Variants in SERPINI1 observed in about 807,000 individuals in gnomAD.
The protein encoded by SERPINI1 is serpin family I member 1.
A neutral mutation model predicts 41.1 loss-of-function variants in SERPINI1; 19 were observed. The ratio of observed to expected loss-of-function variants is 0.46; its 90% CI spans 0.32 to 0.68. SERPINI1 has a LOEUF of 0.68. SERPINI1 is among the 30% of genes least tolerant of loss of function. The pLI is 0.03. For synonymous variants in SERPINI1, 138 were observed against 156.6 expected (o/e 0.88, Z 0.89); for missense variants, 460 against 479.2 (o/e 0.96, Z 0.37).
chr3:167,806,159 C>A (rs994246769), intron 5 of SERPINI1, among the ~76,000 whole-genome samples: 1 of 152,124 alleles, frequency 6.6e-6, no homozygotes, highest in Admixed American at 6.6e-5. Flanking sequence ...AGGATGAGTT[C>A]ATTTCCTTTG....
chr3:167,814,097 C>T (rs1711986181), intron 6 of SERPINI1, among the ~76,000 whole-genome samples: 1 of 152,204 alleles, frequency 6.6e-6, no homozygotes, highest in Non-Finnish European at 1.5e-5. Flanking sequence ...TCTTCGCTGC[C>T]CCAGTCACTA....
intron 1 of SERPINI1, chr3:167,736,090 CCTG>C (rs1725415836): frequency 6.6e-6 from 1 of 152,124 alleles, no homozygotes; most frequent in African/African-American, 2.4e-5. Flanking sequence ...TGAGAAAAAT[CCTG>C]CTAATTGAGG....
At chr3:167,768,627 G>A (rs1203778885) in intron 1 of SERPINI1, among the ~76,000 whole-genome samples, 1 of 152,160 alleles carries the variant, frequency 6.6e-6, no homozygotes, top group East Asian at 1.9e-4. Context: ...GTTCTTCTGT[G>A]TATCTGAGTT....
chr3:167,779,647 C>T (rs1262016824), intron 1 of SERPINI1, among the ~76,000 whole-genome samples: 1 of 152,138 alleles, frequency 6.6e-6, no homozygotes, highest in East Asian at 1.9e-4. Flanking sequence ...CATCTTGGCC[C>T]ATTCCCAAAT....
At chr3:167,789,491 A>C in intron 2 of SERPINI1, 113 bp downstream of exon 2, 202 of 1,259,462 alleles carry the variant, frequency 1.6e-4, no homozygotes, top group Non-Finnish European at 2.2e-4. Flanking sequence ...AAACAATCTC[A>C]TTGAAATGGT....
At chr3:167,806,466 A>G (rs1417103108) in intron 5 of SERPINI1, among the ~76,000 whole-genome samples, 1 of 152,186 alleles carries the variant, frequency 6.6e-6, no homozygotes, top group East Asian at 1.9e-4. Context: ...TATGTTTTGT[A>G]CATGTATCTC....
intron 1 of SERPINI1, among the ~76,000 whole-genome samples, chr3:167,763,813 C>G (rs1387072158): frequency 6.6e-6 from 1 of 152,114 alleles, no homozygotes; most frequent in African/African-American, 2.4e-5. Flanking sequence ...AATCACCAGA[C>G]CACACACTCA....
At chr3:167,787,198 G>C (rs1461504763) in intron 1 of SERPINI1, among the ~76,000 whole-genome samples, 3 of 152,062 alleles carry the variant, frequency 2.0e-5, no homozygotes, top group Non-Finnish European at 4.4e-5. Context: ...TAACACCCAT[G>C]GAGCTGTCAT....
At chr3:167,746,623 A>C (rs909302024) in intron 1 of SERPINI1, among the ~76,000 whole-genome samples, 1 of 152,230 alleles carries the variant, frequency 6.6e-6, no homozygotes, top group Non-Finnish European at 1.5e-5. Context: ...TCCAAACAAG[A>C]TGTAAAAATC....
At chr3:167,773,902 T>C (rs1403413045) in intron 1 of SERPINI1, among the ~76,000 whole-genome samples, 5 of 152,198 alleles carry the variant, frequency 3.3e-5, no homozygotes, top group Non-Finnish European at 7.4e-5. Context: ...GTAACGTACA[T>C]AACTTAATTT....
chr3:167,806,941 A>G (rs1711667049), intron 5 of SERPINI1, among the ~76,000 whole-genome samples: 1 of 152,154 alleles, frequency 6.6e-6, no homozygotes, highest in South Asian at 2.1e-4. Flanking sequence ...CTATGATACT[A>G]AGTAATCATA....
At chr3:167,820,957 C>A (rs965356322) in intron 6 of SERPINI1, among the ~76,000 whole-genome samples, 8 of 152,194 alleles carry the variant, frequency 5.3e-5, no homozygotes, top group Non-Finnish European at 1.2e-4. Context: ...CTCAGTCAGA[C>A]TTGAGCAGAT....
chr3:167,816,187 C>T lies in SERPINI1; in HGVS notation c.980-6799C>T, dbSNP rs185498285. Among the ~76,000 whole-genome samples, 481 of 152,078 alleles carry T rather than the reference C, an allele frequency of 3.2e-3. 11 individuals are homozygous for T. The highest frequency in any genetic ancestry group is 0.026 in the Admixed American group (394 of 15,278). On this transcript the variant is annotated intron_variant, in intron 6 of 8. Coordinates refer to ENST00000446050, the MANE Select transcript of SERPINI1 (RefSeq NM_001122752.2). The stretch of plus-strand genomic sequence containing the variant: ...GCCTCCTGAGTAGCTGGGACTACCA[C>T]GCCCAGCTAGTTTTTGTAATTTTTT...
Position 167,752,387 on chromosome 3 carries a change from A to G in SERPINI1, c.-19+16564A>G, listed in dbSNP as rs75151159. On this transcript the variant is annotated intron_variant, in intron 1 of 8. Coordinates refer to ENST00000446050, the MANE Select transcript of SERPINI1 (RefSeq NM_001122752.2). ...CTCTGCTTTTGTTCCAGCCTTCTCC[A>G]TCTTAATGAAGGACAGCTCCACCTA... Among the ~76,000 whole-genome samples the G allele has an allele frequency of 6.0e-3, 906 of 152,258 alleles. 12 individuals are homozygous for G. The highest frequency in any genetic ancestry group is 0.021 in the African/African-American group (857 of 41,546).
In SERPINI1 at chr3:167,824,489, T is replaced by C; in HGVS notation, c.1083T>C (p.Ser361=). ...AAAVSGMIAI[S]RMAVLYPQVI... ...GCACTGTAGGAATGATTGCAATTAGTAGGATGGCTGTGCTGTATCCTCAAG... is the reference window on the plus strand; with the variant it reads ...GCACTGTAGGAATGATTGCAATTAGCAGGATGGCTGTGCTGTATCCTCAAG... The change falls in exon 8 of 9, where the codon AGT becomes AGC. Residue 361 remains serine (S), a synonymous_variant. Transcript: ENST00000446050. The C allele has an allele frequency of 1.9e-6, 3 of 1,613,310 alleles. No individual in the cohort carries two copies. Among genetic ancestry groups the C allele is most frequent in the Non-Finnish European group, 2.5e-6 (3 of 1,179,420 alleles).
Position 167,794,740 on chromosome 3 carries a change from C to T in SERPINI1, c.797C>T (p.Thr266Ile). The T allele has an allele frequency of 6.2e-7, 1 of 1,613,686 alleles. No individual in the cohort carries two copies. Among genetic ancestry groups the T allele is most frequent in the Non-Finnish European group, 8.5e-7 (1 of 1,179,812 alleles). The change falls in exon 5 of 9, where the codon ACT becomes ATT. Residue 266 changes from threonine (T) to isoleucine (I), a missense_variant. Coordinates refer to ENST00000446050, the MANE Select transcript of SERPINI1 (RefSeq NM_001122752.2). The part of the protein sequence containing the change: ...VLSRQEVPLA[T>I]LEPLVKAQLV... ...TCCAGACAGGAAGTTCCTCTTGCTACTCTGGAGCCATTAGTCAAAGCACAG... is the reference window on the plus strand; with the variant it reads ...TCCAGACAGGAAGTTCCTCTTGCTATTCTGGAGCCATTAGTCAAAGCACAG...
intron 1 of SERPINI1, among the ~76,000 whole-genome samples, chr3:167,757,676 C>T (rs1172180070): frequency 5.9e-5 from 9 of 152,074 alleles, no homozygotes; most frequent in East Asian, 1.9e-4. Context: ...CCTAGCACTT[C>T]GGGAGGTTGA....
At chr3:167,817,001 G>A (rs921419980) in intron 6 of SERPINI1, among the ~76,000 whole-genome samples, 1 of 152,016 alleles carries the variant, frequency 6.6e-6, no homozygotes, top group Admixed American at 6.6e-5. Flanking sequence ...TACTGAGCAG[G>A]TATGGAGGTT....
intron 6 of SERPINI1, among the ~76,000 whole-genome samples, chr3:167,822,573 TA>T (rs1712372845): frequency 6.6e-6 from 1 of 152,130 alleles, no homozygotes; most frequent in South Asian, 2.1e-4. Flanking sequence ...AATATTAGGT[TA>T]AAAAAGGAAA....
Sources: gnomAD v4.1 joint callset for allele counts (sites outside exome capture counted in the v4.1 genomes callset) on GRCh38, gnomAD v4.1.1 for gene constraint, MANE v1.5 for transcripts, NCBI Gene and HGNC (gene_info 2026-07-23, HGNC 2026-07-21) for gene names.